PALM2AKAP2: variants seen among roughly 807,000 people sequenced by gnomAD.
The protein encoded by PALM2AKAP2 is PALM2 and AKAP2 fusion.
PALM2AKAP2 carries 37 observed loss-of-function variants against 71.5 expected under a neutral mutation model. The observed-to-expected ratio is 0.52, with a 90% CI of 0.40 to 0.68. The LOEUF (loss-of-function observed/expected upper bound fraction) is 0.68, where lower values mean the gene tolerates loss of function less well. Ranked by LOEUF, PALM2AKAP2 falls within the 30% of genes least tolerant of loss-of-function variation. PALM2AKAP2 has a pLI of 0.00. For missense variants in PALM2AKAP2, 1,224 were observed against 1,191.8 expected (o/e 1.03, Z -0.40); for synonymous variants, 468 against 478.8 (o/e 0.98, Z 0.29).
chr9:109,906,997 T>C (rs928265815), intron 3 of PALM2AKAP2, among the ~76,000 whole-genome samples: 5 of 152,210 alleles, frequency 3.3e-5, no homozygotes, highest in Admixed American at 6.5e-5. Context: ...GAGCCTGCCT[T>C]GCACATTTCT....
intron 6 of PALM2AKAP2, among the ~76,000 whole-genome samples, chr9:109,981,017 A>G (rs1182829218): frequency 2.0e-5 from 3 of 152,156 alleles, no homozygotes; most frequent in Non-Finnish European, 4.4e-5. Flanking sequence ...ATCCTACCTC[A>G]TAAGAGTTGT....
intron 3 of PALM2AKAP2, among the ~76,000 whole-genome samples, chr9:109,904,384 G>A (rs559577409): frequency 6.6e-6 from 1 of 152,106 alleles, no homozygotes; most frequent in Non-Finnish European, 1.5e-5. Flanking sequence ...CACAAATGTT[G>A]TTATTATTAT....
At chr9:109,877,860 G>C (rs1829753942) in intron 2 of PALM2AKAP2, among the ~76,000 whole-genome samples, 2 of 152,138 alleles carry the variant, frequency 1.3e-5, no homozygotes, top group Admixed American at 6.5e-5. Flanking sequence ...GTAAATTTCA[G>C]AGCCAAGTTA....
At chr9:109,919,735 ATG>A (rs1163749906) in intron 3 of PALM2AKAP2, among the ~76,000 whole-genome samples, 4,528 of 142,546 alleles carry the variant, frequency 0.032, 102 homozygotes, top group African/African-American at 0.064. Context: ...GTGTATACAT[ATG>A]TGTGTGTGTG....
At chr9:110,016,020 G>A in exon 7 of PALM2AKAP2, 1 of 1,613,804 alleles carries the variant, frequency 6.2e-7, no homozygotes, top group Non-Finnish European at 8.5e-7. Context: ...GAAACATCCG[G>A]CCCAGACATG....
At chr9:109,655,621 C>T (rs77242551) in intron 1 of PALM2AKAP2, among the ~76,000 whole-genome samples, 2,000 of 152,276 alleles carry the variant, frequency 0.013, 16 homozygotes, top group Middle Eastern at 0.051. Context: ...CCCTACCCCC[C>T]ATTCTACTTT....
chr9:110,096,842 G>A (rs1212729376), intron 1 of PALM2AKAP2, among the ~76,000 whole-genome samples: 1 of 152,138 alleles, frequency 6.6e-6, no homozygotes, highest in East Asian at 1.9e-4. Context: ...AAATGGGAAG[G>A]CTATTGATAT....
intron 6 of PALM2AKAP2, 148 bp from the exon 7 acceptor site, chr9:110,015,806 C>A: frequency 1.4e-6 from 1 of 691,942 alleles, no homozygotes; most frequent in South Asian, 1.8e-5. Context: ...GTTTTCCTAG[C>A]CCAGTAACTG....
chr9:109,677,699 C>T (rs1827668536), intron 1 of PALM2AKAP2, among the ~76,000 whole-genome samples: 1 of 151,328 alleles, frequency 6.6e-6, no homozygotes, highest in Admixed American at 6.6e-5. Flanking sequence ...TTTTGCCATA[C>T]CAAGAATGGG....
intron 3 of PALM2AKAP2, among the ~76,000 whole-genome samples, chr9:109,907,488 A>G (rs1172496263): frequency 1.3e-5 from 2 of 152,210 alleles, no homozygotes; most frequent in Non-Finnish European, 2.9e-5. Flanking sequence ...TCTCTCTGCC[A>G]GATGCCTTGA....
At position 110,048,843 on chromosome 9, in the gene PALM2AKAP2, CG is replaced by C; in HGVS notation, c.147del (p.Arg50AlafsTer15). 6.5e-7 allele frequency: 1 copy of C among 1,527,520 alleles called. No homozygotes were observed. 94.6% of individuals were successfully genotyped at this position (1,527,520 alleles called of 1,614,324 possible). ...AACCCCAGGACTGCGCCCCCGGGAG[CG>C]GGCGCCCAGAGGTGGGTGTCCAAGC... On this transcript the variant is annotated frameshift_variant, in exon 1 of 4. Transcript: ENST00000374525. LOFTEE classifies it high-confidence loss of function.
chr9:110,087,061 A>G (rs1446202793), intron 1 of PALM2AKAP2, among the ~76,000 whole-genome samples: 1 of 152,150 alleles, frequency 6.6e-6, no homozygotes, highest in Non-Finnish European at 1.5e-5. Context: ...TGCTCTTGCT[A>G]TCCTTCCTGC....
At chr9:109,872,618 A>G (rs976646837) in intron 2 of PALM2AKAP2, among the ~76,000 whole-genome samples, 3 of 152,230 alleles carry the variant, frequency 2.0e-5, no homozygotes, top group Non-Finnish European at 4.4e-5. Flanking sequence ...TATATTTGGA[A>G]GACCACAGCC....
At chr9:110,030,531 A>T (rs190407864) in intron 7 of PALM2AKAP2, among the ~76,000 whole-genome samples, 83 of 152,322 alleles carry the variant, frequency 5.4e-4, no homozygotes, top group African/African-American at 1.6e-3. Context: ...AGCCTTCTTC[A>T]GGTTCAGAAT....
At chr9:110,131,956 T>C (rs1352616915) in intron 1 of PALM2AKAP2, among the ~76,000 whole-genome samples, 1 of 151,926 alleles carries the variant, frequency 6.6e-6, no homozygotes, top group Non-Finnish European at 1.5e-5. Context: ...TCTAGAGGTT[T>C]AAAAAAATGT....
chr9:110,083,310 TA>T (rs550314858), intron 1 of PALM2AKAP2, among the ~76,000 whole-genome samples: 76 of 152,116 alleles, frequency 5.0e-4, no homozygotes, highest in Non-Finnish European at 9.7e-4. Context: ...TTATTTCACT[TA>T]GGGGAGTTTT....
At chr9:110,006,342 C>CTT (rs1832783564) in intron 6 of PALM2AKAP2, among the ~76,000 whole-genome samples, 1 of 129,438 alleles carries the variant, frequency 7.7e-6, no homozygotes, top group Non-Finnish European at 1.6e-5. Flanking sequence ...TTCTTTCTTT[C>CTT]TTTCTTTCTT....
chr9:109,917,939 C>G (rs956277529), intron 3 of PALM2AKAP2, among the ~76,000 whole-genome samples: 3 of 152,090 alleles, frequency 2.0e-5, no homozygotes, highest in Non-Finnish European at 4.4e-5. Flanking sequence ...GTTGCCATCC[C>G]CAACCAAATA....
chr9:109,854,946 A>G (rs944789798), intron 1 of PALM2AKAP2, among the ~76,000 whole-genome samples: 1 of 149,742 alleles, frequency 6.7e-6, no homozygotes, highest in African/African-American at 2.5e-5. Context: ...AATTTTTTGC[A>G]TTTTAGTAGG....
Sources: gnomAD v4.1 joint callset for allele counts (sites outside exome capture counted in the v4.1 genomes callset) on GRCh38, gnomAD v4.1.1 for gene constraint, MANE v1.5 for transcripts, NCBI Gene and HGNC (gene_info 2026-07-23, HGNC 2026-07-21) for gene names.